EYS: variants seen among roughly 807,000 people sequenced by gnomAD.
EYS encodes the protein protein eyes shut homolog.
A neutral mutation model predicts 282.1 loss-of-function variants in EYS; 250 were observed. That is an observed-to-expected ratio of 0.89 (90% CI 0.80 to 0.98). EYS has a LOEUF of 0.98. Among genes scored for constraint, EYS ranks in the 50% least tolerant of loss-of-function variants. EYS has a pLI of 0.00. For missense variants in EYS, 4,016 were observed against 3,709.0 expected (o/e 1.08, Z -2.15); for synonymous variants, 1,355 against 1,282.9 (o/e 1.06, Z -1.20).
At chr6:64,497,537 A>G (rs889346286) in intron 26 of EYS, among the ~76,000 whole-genome samples, 1 of 152,130 alleles carries the variant, frequency 6.6e-6, no homozygotes, top group African/African-American at 2.4e-5. Flanking sequence ...GGCAGGGGAC[A>G]TAATTGATAA....
intron 34 of EYS, among the ~76,000 whole-genome samples, chr6:63,986,565 A>C (rs1767376626): frequency 6.6e-6 from 1 of 151,858 alleles, no homozygotes; most frequent in Non-Finnish European, 1.5e-5. Context: ...AATGTGGTAC[A>C]TATACACCAT....
intron 15 of EYS, among the ~76,000 whole-genome samples, chr6:64,915,267 T>C (rs1214657593): frequency 6.6e-6 from 1 of 152,164 alleles, no homozygotes; most frequent in Non-Finnish European, 1.5e-5. Flanking sequence ...GAACTCATCA[T>C]ATATACTATC....
At chr6:65,131,160 G>A (rs1342719392) in intron 12 of EYS, among the ~76,000 whole-genome samples, 1 of 151,724 alleles carries the variant, frequency 6.6e-6, no homozygotes, top group Non-Finnish European at 1.5e-5. Flanking sequence ...TTGTGTGTGT[G>A]TGTGATGAGA....
intron 26 of EYS, among the ~76,000 whole-genome samples, chr6:64,505,455 G>A (rs1422073904): frequency 6.6e-6 from 1 of 152,128 alleles, no homozygotes; most frequent in Admixed American, 6.5e-5. Context: ...CTATTCACAT[G>A]GAAATGACCT....
intron 35 of EYS, among the ~76,000 whole-genome samples, chr6:63,927,429 T>G (rs554176613): frequency 6.6e-6 from 1 of 152,322 alleles, no homozygotes; most frequent in South Asian, 2.1e-4. Flanking sequence ...TGTTATTACT[T>G]TGCCTTATGG....
chr6:65,210,055 T>C (rs1766136655), intron 12 of EYS, among the ~76,000 whole-genome samples: 1 of 151,948 alleles, frequency 6.6e-6, no homozygotes, highest in Non-Finnish European at 1.5e-5. Flanking sequence ...GTTGACAAAA[T>C]ATTAAATTAA....
intron 13 of EYS, among the ~76,000 whole-genome samples, chr6:65,033,670 C>T (rs1032969120): frequency 5.9e-5 from 9 of 152,162 alleles, no homozygotes; most frequent in African/African-American, 9.7e-5. Context: ...TCCTGGATTT[C>T]AGAGGATATA....
At chr6:64,357,727 C>T (rs1289359447) in intron 29 of EYS, among the ~76,000 whole-genome samples, 1 of 151,464 alleles carries the variant, frequency 6.6e-6, no homozygotes, top group African/African-American at 2.4e-5. Context: ...GTCTCTGTCT[C>T]AACTACTCAG....
chr6:65,417,857 C>T (rs1279925802), intron 5 of EYS, among the ~76,000 whole-genome samples: 1 of 151,904 alleles, frequency 6.6e-6, no homozygotes, highest in Non-Finnish European at 1.5e-5. Context: ...CTGCCAGAAG[C>T]CCAAAATGCA....
intron 22 of EYS, among the ~76,000 whole-genome samples, chr6:64,783,273 TA>T (rs1773915020): frequency 6.6e-6 from 1 of 151,960 alleles, no homozygotes; most frequent in African/African-American, 2.4e-5. Context: ...ATTTATGAAC[TA>T]AACCTTATCC....
chr6:65,393,517 C>A (rs1266885551), intron 7 of EYS, among the ~76,000 whole-genome samples: 1 of 151,968 alleles, frequency 6.6e-6, no homozygotes. Flanking sequence ...AATCATTTTT[C>A]AAAATTAATA....
At chr6:63,811,398 G>A (rs1228648579) in intron 36 of EYS, among the ~76,000 whole-genome samples, 1 of 152,170 alleles carries the variant, frequency 6.6e-6, no homozygotes, top group East Asian at 1.9e-4. Flanking sequence ...TGTCTCAGAA[G>A]CAACTGACAA....
chr6:64,808,978 C>T (rs1368827707), intron 22 of EYS, among the ~76,000 whole-genome samples: 1 of 152,066 alleles, frequency 6.6e-6, no homozygotes, highest in Non-Finnish European at 1.5e-5. Context: ...CCCTTAGACC[C>T]TGGCAACCAC....
At chr6:64,866,584 A>AT (rs1766432130) in intron 19 of EYS, among the ~76,000 whole-genome samples, 1 of 151,792 alleles carries the variant, frequency 6.6e-6, no homozygotes, top group Non-Finnish European at 1.5e-5. Flanking sequence ...AGTTAGATAT[A>AT]ATTTTTATGA....
chr6:65,163,773 A>G (rs1764905760), intron 12 of EYS, among the ~76,000 whole-genome samples: 2 of 151,328 alleles, frequency 1.3e-5, no homozygotes, highest in Non-Finnish European at 1.5e-5. Flanking sequence ...TGAAAGCTAT[A>G]TAAAGTTCAA....
chr6:64,446,442 TATA>T (rs992636811), intron 26 of EYS, among the ~76,000 whole-genome samples: 28 of 152,188 alleles, frequency 1.8e-4, no homozygotes, highest in African/African-American at 5.8e-4. Flanking sequence ...ACCAAATGAG[TATA>T]ATATTTCTCT....
At chr6:65,602,528 T>C (rs934254813) in intron 2 of EYS, among the ~76,000 whole-genome samples, 2 of 151,976 alleles carry the variant, frequency 1.3e-5, no homozygotes, top group Admixed American at 6.6e-5. Flanking sequence ...CACAAATATT[T>C]ATTGAGCTTT....
intron 11 of EYS, among the ~76,000 whole-genome samples, chr6:65,322,068 C>T (rs1028579112): frequency 3.3e-5 from 5 of 152,114 alleles, no homozygotes; most frequent in Admixed American, 6.6e-5. Context: ...GAGATGGAGA[C>T]GCTTAGCCTA....
intron 26 of EYS, among the ~76,000 whole-genome samples, chr6:64,472,326 G>A (rs1776144587): frequency 6.6e-6 from 1 of 152,152 alleles, no homozygotes; most frequent in African/African-American, 2.4e-5. Context: ...AGTTATTTGA[G>A]ACTGTTCTTC....
Sources: gnomAD v4.1 joint callset for allele counts (sites outside exome capture counted in the v4.1 genomes callset) on GRCh38, gnomAD v4.1.1 for gene constraint, MANE v1.5 for transcripts, NCBI Gene and HGNC (gene_info 2026-07-23, HGNC 2026-07-21) for gene names.